The following SASH1 variants were observed in gnomAD, a reference collection of about 807,000 sequenced individuals.
The protein encoded by SASH1 is SAM and SH3 domain containing 1.
SASH1 carries 44 observed loss-of-function variants against 125.2 expected under a neutral mutation model. The observed-to-expected ratio is 0.35, with a 90% CI of 0.28 to 0.45. The LOEUF is 0.45. Among genes scored for constraint, SASH1 ranks in the 20% least tolerant of loss-of-function variants. SASH1 has a pLI of 1.00. For synonymous variants in SASH1, 639 were observed against 649.1 expected (o/e 0.98, Z 0.24); for missense variants, 1,426 against 1,614.5 (o/e 0.88, Z 2.00).
At chr6:148,329,574 C>G (rs1780929413) in intron 1 of SASH1, among the ~76,000 whole-genome samples, 1 of 152,142 alleles carries the variant, frequency 6.6e-6, no homozygotes, top group Non-Finnish European at 1.5e-5. Flanking sequence ...TTATTTATAT[C>G]TTCAATTGTA....
rs181811832 is a variant in SASH1, at chr6:148,372,416, T to A, written c.157-17718T>A. 1.3e-4 allele frequency among the ~76,000 whole-genome samples: 20 copies of A among 152,346 alleles called. No individual in the cohort carries two copies. The East Asian group carries it at 3.9e-3, about 29-fold the overall frequency. On this transcript the variant is annotated intron_variant, in intron 1 of 19. Transcript: ENST00000367467. Reference sequence around the variant, plus strand: ...TTAACACCTTGAACTGTATTCCATTTGTTTCTTTTGAAATCATACAAAGAG... The same window carrying A: ...TTAACACCTTGAACTGTATTCCATTAGTTTCTTTTGAAATCATACAAAGAG...
chr6:148,505,609 C>T (rs564048547), intron 8 of SASH1, among the ~76,000 whole-genome samples: 2 of 150,956 alleles, frequency 1.3e-5, no homozygotes, highest in South Asian at 4.2e-4. Context: ...CTGTGCCTGG[C>T]TGGTTGTTGG....
At chr6:148,513,762 G>T in intron 8 of SASH1, 1 of 985,898 alleles carries the variant, frequency 1.0e-6, no homozygotes, top group Non-Finnish European at 1.2e-6. Context: ...CGGGAGAGGC[G>T]GAAGGGCTGG....
At chr6:148,527,215 A>G (rs1781230126) in intron 11 of SASH1, 1 of 414,772 alleles carries the variant, frequency 2.4e-6, no homozygotes, top group South Asian at 4.0e-5. Flanking sequence ...ATAAGAATGT[A>G]CTAAAAGTAA....
the SASH1 span, among the ~76,000 whole-genome samples, chr6:148,211,345 G>T: frequency 1.8e-4 from 27 of 152,076 alleles, no homozygotes; most frequent in Non-Finnish European, 2.6e-4. Context: ...CCAAGGCGAG[G>T]GGATCACCTG....
chr6:148,474,445 A>G (rs749465960), intron 7 of SASH1, among the ~76,000 whole-genome samples: 7 of 152,246 alleles, frequency 4.6e-5, no homozygotes, highest in Non-Finnish European at 8.8e-5. Context: ...TGTGGACCAC[A>G]TTAATGAGGA....
At chr6:148,524,601 C>A (rs1253201248) in intron 10 of SASH1, 1 of 152,160 alleles carries the variant, frequency 6.6e-6, no homozygotes, top group Non-Finnish European at 1.5e-5. Context: ...ACTGAATCAA[C>A]CGTTTTCTTT....
intron 2 of SASH1, among the ~76,000 whole-genome samples, chr6:148,421,142 GAAGGAAGAAAGAAAGAAAGAAAGAAAGA>G (rs1173591357): frequency 6.0e-5 from 3 of 50,412 alleles, no homozygotes; most frequent in South Asian, 5.4e-4. Context: ...AGGAAGGAAG[GAAGGAAGAAAGAAAGAAAGAAAGAAAGA>G]AAGAAAGAAA....
At chr6:148,302,046 C>T (rs1000692956) in intron 1 of SASH1, among the ~76,000 whole-genome samples, 8 of 150,780 alleles carry the variant, frequency 5.3e-5, no homozygotes, top group South Asian at 2.1e-4. Flanking sequence ...CCGGGCGTGG[C>T]GGCTCACGCC....
At chr6:148,239,091 C>T in the SASH1 span, among the ~76,000 whole-genome samples, 1 of 152,234 alleles carries the variant, frequency 6.6e-6, no homozygotes, top group Middle Eastern at 3.4e-3. Context: ...AACTCTATCA[C>T]GGGACCTCAT....
At chr6:148,431,960 T>C (rs545238485) in intron 2 of SASH1, among the ~76,000 whole-genome samples, 1 of 149,882 alleles carries the variant, frequency 6.7e-6, no homozygotes, top group East Asian at 2.0e-4. Context: ...GACTAGATAG[T>C]GTACAAAGTA....
intron 4 of SASH1, among the ~76,000 whole-genome samples, chr6:148,465,887 T>C (rs1160716348): frequency 1.3e-5 from 2 of 152,196 alleles, no homozygotes; most frequent in African/African-American, 4.8e-5. Flanking sequence ...CTTCTCTTCC[T>C]CATTCTTCTC....
intron 1 of SASH1, among the ~76,000 whole-genome samples, chr6:148,311,169 T>C (rs1320915546): frequency 6.6e-6 from 1 of 151,562 alleles, no homozygotes; most frequent in East Asian, 1.9e-4. Context: ...AGCAGTGGCA[T>C]GGTCTCGGCT....
chr6:148,538,051 A>C (rs1196760580), intron 16 of SASH1, among the ~76,000 whole-genome samples: 1 of 152,172 alleles, frequency 6.6e-6, no homozygotes, highest in East Asian at 1.9e-4. Context: ...TTGATTCTGC[A>C]CTACAGAGGA....
chr6:148,521,021 C>G (rs1780774076), intron 10 of SASH1, among the ~76,000 whole-genome samples: 1 of 152,174 alleles, frequency 6.6e-6, no homozygotes, highest in Non-Finnish European at 1.5e-5. Flanking sequence ...ATAGATTCTT[C>G]TGTACTCAGC....
At chr6:148,497,937 G>A (rs1027764099) in intron 8 of SASH1, among the ~76,000 whole-genome samples, 11 of 152,160 alleles carry the variant, frequency 7.2e-5, no homozygotes, top group Non-Finnish European at 1.5e-4. Flanking sequence ...GTGTGTGGGT[G>A]TGTGTTCCAT....
chr6:148,514,362 G>C lies in SASH1; in HGVS notation c.768G>C (p.Val256=). 1 of 1,583,358 alleles carries C rather than the reference G, an allele frequency of 6.3e-7. No homozygotes were observed. Among genetic ancestry groups the C allele is most frequent in the South Asian group, 1.1e-5 (1 of 90,404 alleles). The change falls in exon 9 of 20, where the codon GTG becomes GTC. Residue 256 remains valine, a synonymous_variant. Coordinates refer to ENST00000367467, the MANE Select transcript of SASH1 (RefSeq NM_015278.5). ...CGGATGATGAGACTGAGGAGTCGGT[G>C]AAGTTTAAGAGGTTACACAAGCTGG... ...EQSDDETEES[V]KFKRLHKLVN...
chr6:148,330,630 G>A (rs1780966227), intron 1 of SASH1, among the ~76,000 whole-genome samples: 1 of 152,052 alleles, frequency 6.6e-6, no homozygotes, highest in Non-Finnish European at 1.5e-5. Context: ...TTGTCGCCCA[G>A]GCTGGAGTGC....
At chr6:148,442,701 A>G (rs991675175) in intron 4 of SASH1, among the ~76,000 whole-genome samples, 1 of 152,186 alleles carries the variant, frequency 6.6e-6, no homozygotes, top group Non-Finnish European at 1.5e-5. Flanking sequence ...ATGACCAAAT[A>G]CAGGAAACTT....
Sources: allele counts gnomAD v4.1 joint callset (sites outside exome capture counted in the v4.1 genomes callset), GRCh38; gene constraint gnomAD v4.1.1; transcripts MANE v1.5; gene names NCBI Gene and HGNC (gene_info 2026-07-23, HGNC 2026-07-21).